The following PTPRG variants were observed in gnomAD, a reference collection of about 807,000 sequenced individuals.
The protein encoded by PTPRG is receptor-type tyrosine-protein phosphatase gamma.
A neutral mutation model predicts 165.3 loss-of-function variants in PTPRG; 102 were observed. The observed-to-expected ratio is 0.62, with a 90% CI of 0.53 to 0.73. PTPRG has a LOEUF of 0.73. Among genes scored for constraint, PTPRG ranks in the 30% least tolerant of loss-of-function variants. The pLI, the probability that PTPRG is intolerant of heterozygous loss-of-function variation, is 0.00. For missense variants in PTPRG, 1,866 were observed against 1,861.4 expected, an observed-to-expected ratio of 1.00 and a Z score of -0.05; for synonymous variants, 675 against 669.5, an observed-to-expected ratio of 1.01 and a Z score of -0.13.
chr3:62,286,327 A>G (rs769711937), intron 28 of PTPRG, among the ~76,000 whole-genome samples: 29 of 152,134 alleles, frequency 1.9e-4, no homozygotes, highest in Non-Finnish European at 3.4e-4. Context: ...TTCCAGCTTC[A>G]ATTTTTTTGT....
intron 2 of PTPRG, among the ~76,000 whole-genome samples, chr3:61,871,770 C>T (rs1464046947): frequency 6.6e-6 from 1 of 152,194 alleles, no homozygotes; most frequent in East Asian, 1.9e-4. Flanking sequence ...CTGGAAATCA[C>T]AAGGCCTTTT....
intron 1 of PTPRG, among the ~76,000 whole-genome samples, chr3:61,589,207 G>A (rs755060516): frequency 6.6e-6 from 1 of 152,104 alleles, no homozygotes. Flanking sequence ...TGAAATAGCC[G>A]TATCTGTTTT....
intron 1 of PTPRG, among the ~76,000 whole-genome samples, chr3:61,617,721 TTTTAC>T (rs1559526086): frequency 6.6e-6 from 1 of 152,204 alleles, no homozygotes. Flanking sequence ...GAAGTTGGAT[TTTTAC>T]AAGGAGTCCT....
At chr3:61,899,067 CCTGG>C (rs1222222555) in intron 2 of PTPRG, among the ~76,000 whole-genome samples, 1 of 152,170 alleles carries the variant, frequency 6.6e-6, no homozygotes, top group African/African-American at 2.4e-5. Context: ...TTCCACCATG[CCTGG>C]CTGATTTTCA....
intron 2 of PTPRG, among the ~76,000 whole-genome samples, chr3:61,786,719 G>C (rs1319671380): frequency 6.6e-6 from 1 of 151,954 alleles, no homozygotes; most frequent in Non-Finnish European, 1.5e-5. Flanking sequence ...TAAGACGCCA[G>C]AAATGACATA....
intron 23 of PTPRG, among the ~76,000 whole-genome samples, chr3:62,275,591 C>T (rs182628725): frequency 6.6e-6 from 1 of 152,098 alleles, no homozygotes; most frequent in Non-Finnish European, 1.5e-5. Flanking sequence ...AGGAAGACCC[C>T]AATTCTATAA....
At chr3:61,740,998 T>C (rs2032959792) in intron 1 of PTPRG, among the ~76,000 whole-genome samples, 1 of 152,174 alleles carries the variant, frequency 6.6e-6, no homozygotes, top group Non-Finnish European at 1.5e-5. Context: ...TTTACTACAA[T>C]TGATTGAAAT....
chr3:62,000,853 G>A (rs373622057), intron 3 of PTPRG, among the ~76,000 whole-genome samples: 17 of 152,190 alleles, frequency 1.1e-4, no homozygotes, highest in African/African-American at 2.4e-4. Context: ...TGTGTTTGCT[G>A]GCTTCCTGGC....
At chr3:61,945,713 G>A (rs2039743896) in intron 2 of PTPRG, among the ~76,000 whole-genome samples, 1 of 151,970 alleles carries the variant, frequency 6.6e-6, no homozygotes, top group Non-Finnish European at 1.5e-5. Flanking sequence ...TATGTCATCT[G>A]TACTTAAGTA....
chr3:61,597,331 T>C (rs1168476165), intron 1 of PTPRG, among the ~76,000 whole-genome samples: 1 of 152,128 alleles, frequency 6.6e-6, no homozygotes, highest in African/African-American at 2.4e-5. Flanking sequence ...TCCCTGTGGA[T>C]ACCAAAATTT....
intron 16 of PTPRG, among the ~76,000 whole-genome samples, chr3:62,258,033 C>T (rs1402763373): frequency 1.3e-5 from 2 of 152,012 alleles, no homozygotes; most frequent in African/African-American, 4.8e-5. Flanking sequence ...AATAAGGAAG[C>T]TTGCAAGTGA....
intron 26 of PTPRG, 107 bp from the exon 27 acceptor site, chr3:62,281,456 A>G: frequency 3.0e-6 from 3 of 1,002,016 alleles, no homozygotes; most frequent in Non-Finnish European, 4.3e-6. Context: ...AATTCAGTTT[A>G]AACGATGGCT....
chr3:61,939,407 A>C (rs2039557708), intron 2 of PTPRG, among the ~76,000 whole-genome samples: 1 of 152,190 alleles, frequency 6.6e-6, no homozygotes, highest in South Asian at 2.1e-4. Flanking sequence ...ATGGAACCTA[A>C]AGAAAAAGCC....
At chr3:61,739,394 G>A (rs2032895564) in intron 1 of PTPRG, among the ~76,000 whole-genome samples, 1 of 152,104 alleles carries the variant, frequency 6.6e-6, no homozygotes. Flanking sequence ...TTTTGGAATT[G>A]TTACATTTTT....
chr3:61,867,583 T>G (rs2037446402), intron 2 of PTPRG, among the ~76,000 whole-genome samples: 1 of 152,150 alleles, frequency 6.6e-6, no homozygotes, highest in South Asian at 2.1e-4. Flanking sequence ...TAAAATGAAG[T>G]ACCCAAAGTC....
At chr3:61,891,120 C>T (rs545393850) in intron 2 of PTPRG, among the ~76,000 whole-genome samples, 37 of 152,092 alleles carry the variant, frequency 2.4e-4, no homozygotes, top group African/African-American at 7.5e-4. Flanking sequence ...GAGTTTGAGA[C>T]CAGCCTGGCT....
intron 2 of PTPRG, among the ~76,000 whole-genome samples, chr3:61,782,499 T>A (rs757118975): frequency 6.6e-6 from 1 of 152,228 alleles, no homozygotes; most frequent in African/African-American, 2.4e-5. Context: ...ATTGGACATA[T>A]AATTTCACTA....
At chr3:61,696,431 G>A (rs1022844929) in intron 1 of PTPRG, among the ~76,000 whole-genome samples, 51 of 152,262 alleles carry the variant, frequency 3.3e-4, no homozygotes, top group Middle Eastern at 3.4e-3. Context: ...GAACCCAGGA[G>A]GCGAAGGTTG....
At chr3:61,785,996 C>T (rs2034687427) in intron 2 of PTPRG, among the ~76,000 whole-genome samples, 1 of 152,156 alleles carries the variant, frequency 6.6e-6, no homozygotes, top group African/African-American at 2.4e-5. Flanking sequence ...TTTCTGTAGT[C>T]CCCTCTCTAA....
Sources: gnomAD v4.1 joint callset for allele counts (sites outside exome capture counted in the v4.1 genomes callset) on GRCh38, gnomAD v4.1.1 for gene constraint, MANE v1.5 for transcripts, NCBI Gene and HGNC (gene_info 2026-07-23, HGNC 2026-07-21) for gene names.